The following MAPK8 variants were observed in gnomAD, a reference collection of about 807,000 sequenced individuals.
MAPK8 encodes the protein mitogen-activated protein kinase 8, also known as JUN N-terminal kinase.
A neutral mutation model predicts 52.9 loss-of-function variants in MAPK8; 13 were observed. The ratio of observed to expected loss-of-function variants is 0.25; its 90% CI spans 0.16 to 0.39. The LOEUF is 0.39. MAPK8 is among the 10% of genes least tolerant of loss of function. The probability of loss-of-function intolerance (pLI) is 1.00; values close to 1 mark genes in which losing one functional copy is unlikely to be tolerated. For synonymous variants in MAPK8, 191 were observed against 169.8 expected, an observed-to-expected ratio of 1.12 and a Z score of -0.97; for missense variants, 300 against 519.2, an observed-to-expected ratio of 0.58 and a Z score of 4.10.
chr10:48,406,132 G>C (rs7075808), intron 3 of MAPK8, among the ~76,000 whole-genome samples: 3,063 of 152,174 alleles, frequency 0.02, 96 homozygotes, highest in African/African-American at 0.068. Context: ...TTAAAGATGG[G>C]GTAAAAATTG....
rs546559594 is a variant in MAPK8, at chr10:48,309,493, G to A, written c.-50+2672G>A. ...CTTCATACTCCTTTAGATCCTGGGG[G>A]AAATGCCATTTGGAAAGGAAGTCAG... On this transcript the variant is annotated intron_variant, in intron 1 of 11. Coordinates refer to ENST00000374189, the MANE Select transcript of MAPK8 (RefSeq NM_001323329.2). 1.1e-4 allele frequency among the ~76,000 whole-genome samples: 16 copies of A among 152,320 alleles called. No homozygotes were observed. The South Asian group carries it at 2.9e-3, about 28-fold the overall frequency.
At chr10:48,335,201 G>GT (rs748915233) in intron 1 of MAPK8, among the ~76,000 whole-genome samples, 1 of 151,998 alleles carries the variant, frequency 6.6e-6, no homozygotes, top group Non-Finnish European at 1.5e-5. Context: ...TTTTCACCAG[G>GT]TTTTCCTTTT....
intron 1 of MAPK8, among the ~76,000 whole-genome samples, chr10:48,323,169 A>C (rs1284175714): frequency 6.6e-6 from 1 of 152,190 alleles, no homozygotes; most frequent in African/African-American, 2.4e-5. Flanking sequence ...GGCAGAGAAA[A>C]CTAGATATTT....
At chr10:48,399,234 C>T (rs923501105) in intron 1 of MAPK8, among the ~76,000 whole-genome samples, 2 of 152,198 alleles carry the variant, frequency 1.3e-5, no homozygotes, top group African/African-American at 4.8e-5. Flanking sequence ...TCTGTCCTAG[C>T]TGCAACACTG....
intron 1 of MAPK8, among the ~76,000 whole-genome samples, chr10:48,315,361 C>T (rs915688927): frequency 6.6e-6 from 1 of 152,186 alleles, no homozygotes; most frequent in Non-Finnish European, 1.5e-5. Context: ...ACTTCCATCA[C>T]CCAGAACCTT....
At chr10:48,344,408 C>T (rs1845575532) in intron 1 of MAPK8, among the ~76,000 whole-genome samples, 1 of 152,162 alleles carries the variant, frequency 6.6e-6, no homozygotes, top group Non-Finnish European at 1.5e-5. Flanking sequence ...TGCTGTTTCC[C>T]ACTAGTCATC....
chr10:48,429,465 C>T (rs1224679048), intron 10 of MAPK8, among the ~76,000 whole-genome samples: 1 of 152,202 alleles, frequency 6.6e-6, no homozygotes, highest in Non-Finnish European at 1.5e-5. Flanking sequence ...TCAAGATCTA[C>T]TTAAGAGTTT....
At chr10:48,423,416 C>T (rs1463486110) in intron 6 of MAPK8, among the ~76,000 whole-genome samples, 1 of 152,122 alleles carries the variant, frequency 6.6e-6, no homozygotes, top group Non-Finnish European at 1.5e-5. Flanking sequence ...ACTAAGTTTT[C>T]CTTGATTAGT....
chr10:48,361,935 G>T (rs1847570789), intron 1 of MAPK8, among the ~76,000 whole-genome samples: 2 of 152,152 alleles, frequency 1.3e-5, no homozygotes, highest in South Asian at 4.1e-4. Context: ...CTCATTGCCT[G>T]TATAGCCAGT....
intron 1 of MAPK8, among the ~76,000 whole-genome samples, chr10:48,382,761 A>AT (rs925498739): frequency 6.8e-6 from 1 of 147,428 alleles, no homozygotes; most frequent in Admixed American, 6.8e-5. Context: ...TATTTTATAT[A>AT]TTTTTTATAT....
intron 1 of MAPK8, among the ~76,000 whole-genome samples, chr10:48,396,403 C>T (rs936842274): frequency 1.3e-5 from 2 of 152,084 alleles, no homozygotes; most frequent in African/African-American, 4.8e-5. Context: ...TGAGATATGA[C>T]ACACGTACTA....
intron 1 of MAPK8, among the ~76,000 whole-genome samples, chr10:48,326,717 C>T (rs1299645700): frequency 6.6e-6 from 1 of 152,082 alleles, no homozygotes; most frequent in Non-Finnish European, 1.5e-5. Context: ...TCTATATAAG[C>T]TAAACATGAA....
chr10:48,396,813 T>TA (rs2041910195), intron 1 of MAPK8, among the ~76,000 whole-genome samples: 1 of 152,218 alleles, frequency 6.6e-6, no homozygotes, highest in South Asian at 2.1e-4. Flanking sequence ...TTCCCTATTA[T>TA]AAAAATACGG....
At chr10:48,369,551 A>G (rs1407353470) in intron 1 of MAPK8, among the ~76,000 whole-genome samples, 3 of 152,174 alleles carry the variant, frequency 2.0e-5, no homozygotes, top group Non-Finnish European at 4.4e-5. Context: ...GAAAAGCTCA[A>G]TAGTAGATAC....
At chr10:48,358,880 T>C (rs1246870311) in intron 1 of MAPK8, among the ~76,000 whole-genome samples, 2 of 152,218 alleles carry the variant, frequency 1.3e-5, no homozygotes, top group African/African-American at 2.4e-5. Flanking sequence ...CTTTCCCTCT[T>C]GTCTTGACAC....
At chr10:48,356,358 T>A (rs1846940778) in intron 1 of MAPK8, among the ~76,000 whole-genome samples, 1 of 151,996 alleles carries the variant, frequency 6.6e-6, no homozygotes, top group Non-Finnish European at 1.5e-5. Context: ...AGGTAATAAC[T>A]TGTGAAATAA....
chr10:48,344,167 C>T (rs1205995650), intron 1 of MAPK8, among the ~76,000 whole-genome samples: 1 of 152,116 alleles, frequency 6.6e-6, no homozygotes, highest in Non-Finnish European at 1.5e-5. Flanking sequence ...ATTATGGGTC[C>T]CCTCTGTAAC....
At chr10:48,430,431 C>T (rs2044115842) in intron 10 of MAPK8, 1 of 152,160 alleles carries the variant, frequency 6.6e-6, no homozygotes, top group Non-Finnish European at 1.5e-5. Context: ...ACTCACAAGG[C>T]ACATCGCAGT....
At chr10:48,346,569 C>T (rs1845805141) in intron 1 of MAPK8, among the ~76,000 whole-genome samples, 1 of 152,108 alleles carries the variant, frequency 6.6e-6, no homozygotes, top group Non-Finnish European at 1.5e-5. Flanking sequence ...GTCTCCCTTT[C>T]CCCGGGGGAG....
Sources: gnomAD v4.1 joint callset for allele counts (sites outside exome capture counted in the v4.1 genomes callset) on GRCh38, gnomAD v4.1.1 for gene constraint, MANE v1.5 for transcripts, NCBI Gene and HGNC (gene_info 2026-07-23, HGNC 2026-07-21) for gene names.